WDR72: variants seen among roughly 807,000 people sequenced by gnomAD.
WDR72 encodes the protein WD repeat domain 72, also known as WD repeat-containing protein 72.
WDR72 carries 120 observed loss-of-function variants against 124.2 expected under a neutral mutation model. The observed-to-expected ratio is 0.97, with a 90% CI of 0.83 to 1.12. The LOEUF (loss-of-function observed/expected upper bound fraction) is 1.12. WDR72 is among the 50% of genes most tolerant of loss of function. The probability of loss-of-function intolerance (pLI) is 0.00; values close to 1 mark genes in which losing one functional copy is unlikely to be tolerated. For missense variants in WDR72, 1,387 were observed against 1,278.8 expected (o/e 1.08, Z -1.29); for synonymous variants, 452 against 441.7 (o/e 1.02, Z -0.29).
intron 18 of WDR72, among the ~76,000 whole-genome samples, chr15:53,541,302 G>C (rs58747426): frequency 4.6e-5 from 7 of 152,062 alleles, no homozygotes; most frequent in Non-Finnish European, 1.0e-4. Context: ...ATCTGAGAAC[G>C]GGCAGACTGC....
rs148487960 is a variant in WDR72, at chr15:53,555,910, A to G, written c.3149-32588T>C. Among the ~76,000 whole-genome samples, 825 of 152,254 alleles carry G rather than the reference A, an allele frequency of 5.4e-3. 21 individuals are homozygous for G. The highest frequency in any genetic ancestry group is 0.041 in the Admixed American group (619 of 15,274). ...AAAATAAAGAAAGACAAAAGGAATG[A>G]ACTAATTGTTTAACAAATAGCAAAA... On this transcript the variant is annotated intron_variant, in intron 18 of 19. Coordinates refer to ENST00000360509, the MANE Select transcript of WDR72 (RefSeq NM_182758.4).
rs181369543 is a variant in WDR72, at chr15:53,754,377, G to A, written c.-13+5256C>T. ...CATAAGAGGTAGCAGAGGGAGACAC[G>A]AAAGGGCTTGCCTGAACCTACAGGC... On this transcript the variant is annotated intron_variant, in intron 1 of 19. Transcript: ENST00000360509. Among the ~76,000 whole-genome samples the A allele has an allele frequency of 2.0e-5, 3 of 152,198 alleles. No homozygotes were observed. The East Asian group carries it at 5.8e-4, about 30-fold the overall frequency.
intron 2 of WDR72, among the ~76,000 whole-genome samples, chr15:53,729,508 T>C (rs1174303202): frequency 1.3e-5 from 2 of 150,090 alleles, no homozygotes; most frequent in Non-Finnish European, 3.0e-5. Flanking sequence ...AAACAAAACT[T>C]ACAAACCCCT....
intron 13 of WDR72, among the ~76,000 whole-genome samples, chr15:53,683,731 GGAA>G (rs1486652832): frequency 6.6e-6 from 1 of 152,004 alleles, no homozygotes; most frequent in Non-Finnish European, 1.5e-5. Context: ...GAGAGAAAGA[GGAA>G]GAAGAGATCT....
At chr15:53,625,869 C>T (rs2014185974) in intron 14 of WDR72, among the ~76,000 whole-genome samples, 1 of 151,746 alleles carries the variant, frequency 6.6e-6, no homozygotes, top group Non-Finnish European at 1.5e-5. Flanking sequence ...AAGAAGTGTA[C>T]TGATTTATTT....
chr15:53,720,107 A>T (rs72730603), intron 3 of WDR72, among the ~76,000 whole-genome samples: 3,458 of 151,942 alleles, frequency 0.023, 72 homozygotes, highest in Middle Eastern at 0.034. Context: ...CCCATTTTTT[A>T]AAAAAAATTG....
rs518263 is a variant in WDR72, at chr15:53,722,685, T to C, written c.260+117A>G. 0.018 allele frequency: 15,231 copies of C among 850,412 alleles called. 1,186 individuals are homozygous for C. The African/African-American group carries it at 0.18, about 10-fold the overall frequency. The allele number at this position is 850,412 out of a possible 1,614,324, so 52.7% of individuals were successfully genotyped here. A position where few individuals can be genotyped will look rare whatever the true frequency, so the allele number is the denominator to read the frequency against. ...CTTTCTATATCTAAATGTTCCTATATGTGAGAGGCACATGTTGATCACAAA... is the reference window on the plus strand; with the variant it reads ...CTTTCTATATCTAAATGTTCCTATACGTGAGAGGCACATGTTGATCACAAA... On this transcript the variant is annotated intron_variant, in intron 3 of 19. Coordinates refer to ENST00000360509, the MANE Select transcript of WDR72 (RefSeq NM_182758.4).
chr15:53,533,840 A>T (rs954215276), intron 18 of WDR72, among the ~76,000 whole-genome samples: 1 of 152,140 alleles, frequency 6.6e-6, no homozygotes, highest in African/African-American at 2.4e-5. Context: ...CTTAGCTGAA[A>T]TTTCACCTTT....
intron 9 of WDR72, among the ~76,000 whole-genome samples, chr15:53,706,359 T>A (rs1281829221): frequency 2.0e-4 from 8 of 40,590 alleles, no homozygotes; most frequent in Admixed American, 1.8e-3. Flanking sequence ...TGTATATATA[T>A]ATATATATAT....
chr15:53,738,586 T>TTTTG lies in WDR72; in HGVS notation c.-12-5429_-12-5426dup, dbSNP rs58374481. 5.8e-3 allele frequency among the ~76,000 whole-genome samples: 884 copies of TTTTG among 151,820 alleles called. 2 individuals are homozygous for TTTTG. The highest frequency in any genetic ancestry group is 0.015 in the South Asian group (71 of 4,812). On this transcript the variant is annotated intron_variant, in intron 1 of 19. Coordinates refer to ENST00000360509, the MANE Select transcript of WDR72 (RefSeq NM_182758.4). ...TATAGATCACAAGCCTTTTTTTTGTTTTTGTTTGTTTGTTTGTTTGTTTGT... is the reference window on the plus strand; with the variant it reads ...TATAGATCACAAGCCTTTTTTTTGTTTTTGTTTGTTTGTTTGTTTGTTTGTTTGT...
chr15:53,517,829 G>A (rs1229565006), intron 19 of WDR72, 75 bp from the exon 20 acceptor site: 4 of 1,396,734 alleles, frequency 2.9e-6, no homozygotes, highest in Non-Finnish European at 4.1e-6. Context: ...CAAGAGGAGG[G>A]GAGGGAGAGA....
chr15:53,570,365 G>GTACCTGGA (rs1277142639), intron 18 of WDR72, among the ~76,000 whole-genome samples: 1 of 151,288 alleles, frequency 6.6e-6, no homozygotes, highest in Non-Finnish European at 1.5e-5. Flanking sequence ...TGTACAATAG[G>GTACCTGGA]TACCTGGAGA....
intron 14 of WDR72, among the ~76,000 whole-genome samples, chr15:53,624,030 T>C (rs185863402): frequency 6.6e-6 from 1 of 152,322 alleles, no homozygotes; most frequent in Admixed American, 6.5e-5. Flanking sequence ...TTAATGGAGT[T>C]ATTTTTTGCT....
At chr15:53,689,915 A>T (rs1352057582) in intron 13 of WDR72, among the ~76,000 whole-genome samples, 1 of 151,584 alleles carries the variant, frequency 6.6e-6, no homozygotes, top group African/African-American at 2.4e-5. Context: ...TGTCCTTTGT[A>T]GGGACATGGA....
intron 11 of WDR72, among the ~76,000 whole-genome samples, chr15:53,704,514 T>C (rs887513640): frequency 5.9e-5 from 9 of 151,400 alleles, no homozygotes; most frequent in African/African-American, 2.2e-4. Flanking sequence ...CTTGAGTTTT[T>C]TTTGTTTTTG....
intron 18 of WDR72, among the ~76,000 whole-genome samples, chr15:53,528,506 T>C (rs181868204): frequency 6.6e-6 from 1 of 152,240 alleles, no homozygotes; most frequent in East Asian, 1.9e-4. Context: ...AGTTGTAATC[T>C]AATATGGAAT....
chr15:53,516,523 T>G lies in WDR72; in HGVS notation c.*1176A>C, dbSNP rs1245163311. On this transcript the variant is annotated 3_prime_UTR_variant, in exon 20 of 20. Transcript: ENST00000360509. ...TATATCATATATTTAATGCTTTATA[T>G]CCCTTTTTCAATTATATAGTTCTCT... The G allele has an allele frequency of 6.6e-6, 1 of 151,916 alleles. No individual in the cohort carries two copies. Among genetic ancestry groups the G allele is most frequent in the Non-Finnish European group, 1.5e-5 (1 of 67,942 alleles). 9.4% of individuals were successfully genotyped at this position (151,916 alleles called of 1,614,324 possible).
At chr15:53,711,306 G>A (rs1408794945) in intron 8 of WDR72, 30 bp downstream of exon 8, 6 of 1,613,822 alleles carry the variant, frequency 3.7e-6, no homozygotes, top group South Asian at 1.1e-5. Context: ...CTACCTGAAT[G>A]TTTTGTATGC....
At chr15:53,605,244 A>G (rs1240569195) in intron 17 of WDR72, among the ~76,000 whole-genome samples, 1 of 152,196 alleles carries the variant, frequency 6.6e-6, no homozygotes, top group African/African-American at 2.4e-5. Flanking sequence ...CAGGAACAGA[A>G]AACCGAATAC....
Sources: allele counts gnomAD v4.1 joint callset (sites outside exome capture counted in the v4.1 genomes callset), GRCh38; gene constraint gnomAD v4.1.1; transcripts MANE v1.5; gene names NCBI Gene and HGNC (gene_info 2026-07-23, HGNC 2026-07-21).